The following CELF2 variants were observed in gnomAD, a reference collection of about 807,000 sequenced individuals.
CELF2 encodes the protein CUGBP Elav-like family member 2, also known as CUG triplet repeat RNA-binding protein 2.
Under a neutral mutation model 62.6 loss-of-function variants are expected in CELF2, and 8 were observed. That is an observed-to-expected ratio of 0.13 (90% CI 0.07 to 0.23). The LOEUF is 0.23. Among genes scored for constraint, CELF2 ranks in the 10% least tolerant of loss-of-function variants. The pLI, the probability that CELF2 is intolerant of heterozygous loss-of-function variation, is 1.00. For missense variants in CELF2, 333 were observed against 671.0 expected, an observed-to-expected ratio of 0.50 and a Z score of 5.56; for synonymous variants, 258 against 250.0, an observed-to-expected ratio of 1.03 and a Z score of -0.30.
chr10:11,257,496 T>G (rs961751687), intron 4 of CELF2: 3 of 439,370 alleles, frequency 6.8e-6, no homozygotes, highest in Non-Finnish European at 1.3e-5. Context: ...ACATGTCATA[T>G]TAAAACATTT....
the CELF2 span, among the ~76,000 whole-genome samples, chr10:10,528,426 C>G: frequency 6.6e-6 from 1 of 152,160 alleles, no homozygotes; most frequent in Non-Finnish European, 1.5e-5. Context: ...TCCTGCAAAA[C>G]AAACAGCACC....
chr10:11,321,258 C>T lies in CELF2; in HGVS notation c.1166C>T (p.Thr389Met). 1 of 1,614,008 alleles carries T rather than the reference C, an allele frequency of 6.2e-7. No homozygotes were observed. Among genetic ancestry groups the T allele is most frequent in the Non-Finnish European group, 8.5e-7 (1 of 1,180,022 alleles). Reference sequence around the variant, plus strand: ...GGCGCCACAGGCTTGACGAATGGCACGGCTGGCACCATGGACGCCCTCACC... The same window carrying T: ...GGCGCCACAGGCTTGACGAATGGCATGGCTGGCACCATGGACGCCCTCACC... ...GLGATGLTNG[T>M]AGTMDALTQA... Residue 389 changes from threonine (T) to methionine (M), a missense_variant, in exon 11 of 13, where the codon ACG becomes ATG. By Grantham distance (81) the Thr-to-Met change is moderately conservative (BLOSUM62 -1). Transcript: ENST00000633077. The surrounding 1 kb of genome is among the most constrained non-coding windows in gnomAD (Gnocchi z 6.2).
At chr10:11,271,061 G>A (rs141385281) in intron 7 of CELF2, among the ~76,000 whole-genome samples, 5 of 152,330 alleles carry the variant, frequency 3.3e-5, no homozygotes, top group East Asian at 3.9e-4. Flanking sequence ...CTTCTAACTC[G>A]TCTTTGAAAG....
At chr10:11,320,170 A>C (rs944419706) in intron 10 of CELF2, among the ~76,000 whole-genome samples, 9 of 152,154 alleles carry the variant, frequency 5.9e-5, no homozygotes, top group African/African-American at 2.2e-4. Flanking sequence ...GTTGATATGA[A>C]AGTTAGCACT....
At chr10:10,485,205 T>C in the CELF2 span, among the ~76,000 whole-genome samples, 9 of 152,194 alleles carry the variant, frequency 5.9e-5, no homozygotes, top group Admixed American at 2.6e-4. Context: ...TTCATGTTGT[T>C]ACAGTATAAT....
chr10:11,162,841 C>CT (rs1189142202), intron 1 of CELF2, among the ~76,000 whole-genome samples: 1 of 152,116 alleles, frequency 6.6e-6, no homozygotes, highest in African/African-American at 2.4e-5. Context: ...TGTGCCATGT[C>CT]TTGTATTAAG....
At chr10:10,536,925 G>A in the CELF2 span, among the ~76,000 whole-genome samples, 1 of 152,200 alleles carries the variant, frequency 6.6e-6, no homozygotes, top group South Asian at 2.1e-4. Flanking sequence ...TGAGGAGGGG[G>A]CTCCACTGGC....
the CELF2 span, among the ~76,000 whole-genome samples, chr10:10,507,493 G>T: frequency 6.6e-6 from 1 of 152,146 alleles, no homozygotes; most frequent in Non-Finnish European, 1.5e-5. Context: ...AAAATACTAA[G>T]GATTGGGGCT....
At chr10:10,780,476 T>C in the CELF2 span, among the ~76,000 whole-genome samples, 2 of 151,738 alleles carry the variant, frequency 1.3e-5, no homozygotes, top group Non-Finnish European at 2.9e-5. Flanking sequence ...TGTTTGTTTG[T>C]TTGTTTGTTT....
the CELF2 span, among the ~76,000 whole-genome samples, chr10:10,613,513 C>T: frequency 5.9e-5 from 9 of 152,104 alleles, no homozygotes; most frequent in African/African-American, 2.2e-4. Flanking sequence ...TTCATCGGGG[C>T]TTCTTAATTT....
intron 1 of CELF2, among the ~76,000 whole-genome samples, chr10:10,888,561 C>A (rs1413714880): frequency 6.6e-6 from 1 of 152,148 alleles, no homozygotes; most frequent in African/African-American, 2.4e-5. Context: ...AACGAAAAAA[C>A]CAAGACATTC....
In CELF2 at chr10:11,210,452, C is replaced by T. The variant is rs371211990; in HGVS notation, c.272-6973C>T. On this transcript the variant is annotated intron_variant, in intron 2 of 12. Coordinates refer to ENST00000633077, the MANE Select transcript of CELF2 (RefSeq NM_001326342.2). ...ATACTTTTTATTTGACCAGCTTTGCCGCAGAATTGCAGGAAACCATTTTTC... is the reference window on the plus strand; with the variant it reads ...ATACTTTTTATTTGACCAGCTTTGCTGCAGAATTGCAGGAAACCATTTTTC... 5.0e-4 allele frequency among the ~76,000 whole-genome samples: 76 copies of T among 152,282 alleles called. No homozygotes were observed. The South Asian group carries it at 0.015, about 30-fold the overall frequency.
upstream of CELF2, among the ~76,000 whole-genome samples, chr10:11,003,218 T>TA (rs1315167029): frequency 6.6e-6 from 1 of 152,160 alleles, no homozygotes; most frequent in Non-Finnish European, 1.5e-5. This position sits in a 1 kb window ranked among gnomAD's most constrained non-coding sequence, Gnocchi z 4.4. Context: ...GGAGAGAGTA[T>TA]AAAATATTTA....
chr10:11,040,448 G>A (rs1219832426), intron 1 of CELF2, among the ~76,000 whole-genome samples: 1 of 152,122 alleles, frequency 6.6e-6, no homozygotes, highest in Non-Finnish European at 1.5e-5. Context: ...GGTATAATTT[G>A]TACAGAATTT....
intron 1 of CELF2, among the ~76,000 whole-genome samples, chr10:10,823,113 C>G (rs1393674296): frequency 6.6e-6 from 1 of 152,076 alleles, no homozygotes; most frequent in Non-Finnish European, 1.5e-5. Context: ...TTTAATTCTT[C>G]TGTAGTTTTC....
chr10:10,869,399 TA>T (rs1421513999), intron 1 of CELF2, among the ~76,000 whole-genome samples: 1 of 152,002 alleles, frequency 6.6e-6, no homozygotes, highest in Non-Finnish European at 1.5e-5. Context: ...CCATCTCTAC[TA>T]AAAATACAAA....
At chr10:11,138,079 AT>A (rs2060722894) in intron 1 of CELF2, among the ~76,000 whole-genome samples, 1 of 152,200 alleles carries the variant, frequency 6.6e-6, no homozygotes, top group African/African-American at 2.4e-5. Context: ...AATTAATTAT[AT>A]TTTTTAGACA....
chr10:10,686,310 T>TGG, the CELF2 span, among the ~76,000 whole-genome samples: 111 of 69,782 alleles, frequency 1.6e-3, 2 homozygotes, highest in East Asian at 0.022. Context: ...TTGGATTTTT[T>TGG]GGGGGGGGGG....
chr10:10,941,298 C>T (rs528895383), intron 2 of CELF2, among the ~76,000 whole-genome samples: 36 of 152,082 alleles, frequency 2.4e-4, no homozygotes, highest in Non-Finnish European at 4.9e-4. Context: ...GGTCCTGATG[C>T]CATCCCCCTC....
Sources: allele counts gnomAD v4.1 joint callset (sites outside exome capture counted in the v4.1 genomes callset), GRCh38; gene constraint gnomAD v4.1.1; non-coding constraint Gnocchi (gnomAD v3.1); transcripts MANE v1.5; gene names NCBI Gene and HGNC (gene_info 2026-07-23, HGNC 2026-07-21).